CD96: variants seen among roughly 807,000 people sequenced by gnomAD.
CD96 encodes CD96 molecule.
Under a neutral mutation model 71.3 loss-of-function variants are expected in CD96, and 70 were observed. The observed-to-expected ratio is 0.98, with a 90% CI of 0.81 to 1.20. The LOEUF is 1.20. CD96 is among the 50% of genes most tolerant of loss of function. The pLI is 0.00. For missense variants in CD96, 742 were observed against 677.5 expected, an observed-to-expected ratio of 1.10 and a Z score of -1.06; for synonymous variants, 248 against 233.0, an observed-to-expected ratio of 1.06 and a Z score of -0.59.
At chr3:111,547,207 A>G (rs1030111816) in intron 2 of CD96, among the ~76,000 whole-genome samples, 2 of 152,220 alleles carry the variant, frequency 1.3e-5, no homozygotes, top group Non-Finnish European at 2.9e-5. Context: ...GCACTTAAAC[A>G]TATAGTTCCT....
chr3:111,555,005 G>C (rs1576307888), intron 2 of CD96, among the ~76,000 whole-genome samples: 1 of 152,056 alleles, frequency 6.6e-6, no homozygotes, highest in Non-Finnish European at 1.5e-5. Context: ...AAAATCTAAT[G>C]CAGCCACTGA....
intron 14 of CD96, among the ~76,000 whole-genome samples, chr3:111,658,489 A>C (rs556360866): frequency 1.9e-3 from 287 of 152,378 alleles, no homozygotes; most frequent in Non-Finnish European, 2.6e-3. Context: ...ATCAGGCTAG[A>C]ATCATCAATG....
In CD96 at chr3:111,637,235, CG is replaced by C. The variant is rs2107754441; in HGVS notation, c.1362del (p.Ser455GlnfsTer53). 1 of 1,590,886 alleles carries C rather than the reference CG, an allele frequency of 6.3e-7. No individual in the cohort carries two copies. Among genetic ancestry groups the C allele is most frequent in the Non-Finnish European group, 8.6e-7 (1 of 1,158,828 alleles). ...CCTAGTGAAACATACAGTTCATCCC[CG>C]TCAGGTGCAGGCTCAACACTTCATG... ...RIPSETYSSSPSGAGSTLHDN... is the reference protein window; with the variant it reads ...RIPSETYSSSXSGAGSTLHDN... On this transcript the variant is annotated frameshift_variant, in exon 11 of 14. Coordinates refer to ENST00000352690, the MANE Select transcript of CD96 (RefSeq NM_005816.5). LOFTEE classifies it high-confidence loss of function.
intron 3 of CD96, among the ~76,000 whole-genome samples, chr3:111,569,546 T>C (rs1935877866): frequency 6.6e-6 from 1 of 152,234 alleles, no homozygotes; most frequent in Non-Finnish European, 1.5e-5. Context: ...ATGAAATGCA[T>C]AGCTTGCTTA....
At chr3:111,664,609 C>T (rs554719394) in intron 14 of CD96, among the ~76,000 whole-genome samples, 5 of 152,222 alleles carry the variant, frequency 3.3e-5, no homozygotes, top group African/African-American at 1.2e-4. Flanking sequence ...CTCAGCATCA[C>T]ACAATATCCT....
chr3:111,652,359 A>G lies in CD96; in HGVS notation c.*2553A>G, dbSNP rs773453799. ...TATTTAACAAGACTTAATCATCAGT[A>G]ATTTGTATACAAAGCATTGTGGTTT... On this transcript the variant is annotated 3_prime_UTR_variant, in exon 14 of 14. Coordinates refer to ENST00000352690, the MANE Select transcript of CD96 (RefSeq NM_005816.5). The G allele has an allele frequency of 1.2e-4, 19 of 152,032 alleles. No individual in the cohort carries two copies. The highest frequency in any genetic ancestry group is 2.6e-4 in the Non-Finnish European group (18 of 68,016). 9.4% of individuals were successfully genotyped at this position (152,032 alleles called of 1,614,324 possible).
At chr3:111,629,268 C>A (rs184576687) in intron 10 of CD96, among the ~76,000 whole-genome samples, 2 of 152,112 alleles carry the variant, frequency 1.3e-5, no homozygotes, top group Non-Finnish European at 2.9e-5. Context: ...TCAAGAGACC[C>A]ATCTCACATG....
At chr3:111,621,089 T>C (rs1309432557) in intron 8 of CD96, among the ~76,000 whole-genome samples, 1 of 152,236 alleles carries the variant, frequency 6.6e-6, no homozygotes, top group Non-Finnish European at 1.5e-5. Context: ...GCAACCAGGC[T>C]GGCATAGGAA....
Position 111,649,785 on chromosome 3 carries a change from T to C in CD96, c.1689T>C (p.Tyr563=), listed in dbSNP as rs955545940. The C allele has an allele frequency of 1.9e-6, 3 of 1,608,342 alleles. No individual in the cohort carries two copies. Among genetic ancestry groups the C allele is most frequent in the Middle Eastern group, 1.7e-4 (1 of 6,046 alleles). ...AGCCCAACGAAAGTGATCTGCCTTA[T>C]CATGAGATGGAGACCCTCTAGTCTC... ...IQEPNESDLP[Y]HEMETL is the part of the protein sequence containing the mutation. The change falls in exon 14 of 14, where the codon TAT becomes TAC. Residue 563 remains tyrosine (Y), a synonymous_variant. Transcript: ENST00000352690.
intron 8 of CD96, chr3:111,607,052 A>G (rs562939128): frequency 5.7e-6 from 3 of 523,396 alleles, no homozygotes; most frequent in African/African-American, 1.9e-5. Flanking sequence ...GAACATTTTC[A>G]TCATCTAATA....
At chr3:111,567,723 A>T in intron 3 of CD96, 76 bp downstream of exon 3, 2 of 1,290,632 alleles carry the variant, frequency 1.5e-6, no homozygotes, top group Non-Finnish European at 2.2e-6. Context: ...AAGCAGTAAT[A>T]ATAGGGAAGG....
chr3:111,637,296 C>G (rs1364963966), intron 11 of CD96, 35 bp downstream of exon 11: 2 of 1,148,770 alleles, frequency 1.7e-6, no homozygotes, highest in African/African-American at 1.5e-5. Context: ...GACACTGAAG[C>G]TAGTGGTCAG....
At chr3:111,630,822 G>T (rs968143189) in intron 10 of CD96, among the ~76,000 whole-genome samples, 1 of 152,148 alleles carries the variant, frequency 6.6e-6, no homozygotes, top group Non-Finnish European at 1.5e-5. Context: ...GATCAAGTTG[G>T]CTTCATTCCC....
chr3:111,544,703 G>A (rs1422111696), intron 1 of CD96, among the ~76,000 whole-genome samples: 1 of 152,138 alleles, frequency 6.6e-6, no homozygotes, highest in Non-Finnish European at 1.5e-5. Context: ...AACGTAAGAA[G>A]AATCGTCATA....
intron 4 of CD96, among the ~76,000 whole-genome samples, chr3:111,579,705 AG>A (rs1936383501): frequency 1.3e-5 from 2 of 152,046 alleles, no homozygotes; most frequent in African/African-American, 4.8e-5. Flanking sequence ...TCTTCTTATA[AG>A]GCCACCAGTT....
At chr3:111,619,718 T>C (rs553976825) in intron 8 of CD96, among the ~76,000 whole-genome samples, 1 of 152,086 alleles carries the variant, frequency 6.6e-6, no homozygotes, top group East Asian at 1.9e-4. Context: ...AACATGGCTA[T>C]GAGGAATGCA....
At chr3:111,617,818 C>T (rs1229112895) in intron 8 of CD96, among the ~76,000 whole-genome samples, 1 of 152,208 alleles carries the variant, frequency 6.6e-6, no homozygotes, top group Non-Finnish European at 1.5e-5. Context: ...CCCACCTGCT[C>T]ACCACATTGC....
chr3:111,617,271 C>T (rs1296610539), intron 8 of CD96, among the ~76,000 whole-genome samples: 1 of 152,050 alleles, frequency 6.6e-6, no homozygotes, highest in African/African-American at 2.4e-5. Context: ...AGTGAAACCC[C>T]ACCTTCAGGC....
chr3:111,562,846 T>TA (rs1402749162), intron 2 of CD96, among the ~76,000 whole-genome samples: 7 of 152,260 alleles, frequency 4.6e-5, no homozygotes, highest in Non-Finnish European at 1.0e-4. Context: ...TCCATGACTC[T>TA]AGTTTCCAGG....
Sources: allele counts gnomAD v4.1 joint callset (sites outside exome capture counted in the v4.1 genomes callset), GRCh38; gene constraint gnomAD v4.1.1; transcripts MANE v1.5; gene names NCBI Gene and HGNC (gene_info 2026-07-23, HGNC 2026-07-21).